The following RNF17 variants were observed in gnomAD, a reference collection of about 807,000 sequenced individuals.
RNF17 encodes the protein ring finger protein 17.
RNF17 carries 31 observed loss-of-function variants against 200.5 expected under a neutral mutation model. That is an observed-to-expected ratio of 0.15 (90% CI 0.12 to 0.21). RNF17 has a LOEUF of 0.21. RNF17 is among the 10% of genes least tolerant of loss of function. RNF17 has a pLI of 1.00. For synonymous variants in RNF17, 606 were observed against 637.8 expected (o/e 0.95, Z 0.75); for missense variants, 1,628 against 1,905.1 (o/e 0.85, Z 2.71).
At chr13:24,883,149 C>T, downstream of RNF17, 3 of 1,589,986 alleles carry the variant, frequency 1.9e-6, no homozygotes, top group Non-Finnish European at 2.6e-6. Context: ...AAGTCAGTTA[C>T]TGTTACTTCA....
At chr13:24,753,217 T>C in the RNF17 span, among the ~76,000 whole-genome samples, 1 of 152,190 alleles carries the variant, frequency 6.6e-6, no homozygotes, top group African/African-American at 2.4e-5. Flanking sequence ...AGATGACTAA[T>C]ATTTGTGATC....
At chr13:24,754,895 T>TA in the RNF17 span, among the ~76,000 whole-genome samples, 346 of 136,592 alleles carry the variant, frequency 2.5e-3, no homozygotes, top group South Asian at 5.2e-3. Flanking sequence ...GACCCTGTCT[T>TA]AAAAAAAAAA....
intron 15 of RNF17, among the ~76,000 whole-genome samples, chr13:24,805,804 T>C (rs565527502): frequency 7.9e-5 from 12 of 152,290 alleles, no homozygotes; most frequent in Non-Finnish European, 1.5e-4. Context: ...AGCTGCAGTT[T>C]TACATTCTTA....
chr13:24,876,941 A>T, intron 33 of RNF17, 56 bp from the exon 34 acceptor site: 1 of 1,399,626 alleles, frequency 7.1e-7, no homozygotes, highest in African/African-American at 1.5e-5. Flanking sequence ...TTCTTCTAAG[A>T]ATTGGATAGT....
the RNF17 span, chr13:24,885,757 C>G: frequency 1.1e-6 from 1 of 884,190 alleles, no homozygotes; most frequent in Non-Finnish European, 1.9e-6. Context: ...AGTTCATATC[C>G]TGTGAACTGC....
chr13:24,883,993 A>C (rs1203412247), downstream of RNF17: 2 of 1,614,042 alleles, frequency 1.2e-6, no homozygotes, highest in Admixed American at 1.7e-5. Context: ...ACCATCTGGG[A>C]AAATGCTTTC....
At chr13:24,870,816 G>T in intron 32 of RNF17, 77 bp downstream of exon 32, 3 of 1,186,256 alleles carry the variant, frequency 2.5e-6, no homozygotes, top group Non-Finnish European at 3.6e-6. Context: ...ATGACCTTGG[G>T]CTATCTCTAA....
At chr13:24,849,160 T>TA (rs1891572190) in intron 22 of RNF17, among the ~76,000 whole-genome samples, 1 of 152,140 alleles carries the variant, frequency 6.6e-6, no homozygotes, top group African/African-American at 2.4e-5. Flanking sequence ...CCCTGTCTCT[T>TA]AAAAAAATTG....
chr13:24,857,788 C>T (rs1204451834), intron 25 of RNF17, among the ~76,000 whole-genome samples: 1 of 152,146 alleles, frequency 6.6e-6, no homozygotes, highest in Non-Finnish European at 1.5e-5. Flanking sequence ...GTCTCAGCTA[C>T]TCAGGAAACT....
intron 5 of RNF17, among the ~76,000 whole-genome samples, chr13:24,781,322 C>A: frequency 6.6e-6 from 1 of 151,628 alleles, no homozygotes; most frequent in East Asian, 1.9e-4. Flanking sequence ...GGTCTTGTTG[C>A]CACATTATCA....
intron 25 of RNF17, 25 bp downstream of exon 25, chr13:24,854,169 C>A: frequency 2.0e-6 from 3 of 1,529,096 alleles, no homozygotes; most frequent in Non-Finnish European, 1.8e-6. Context: ...GTTATGTAGG[C>A]TCTAGTTCTC....
intron 15 of RNF17, among the ~76,000 whole-genome samples, chr13:24,813,293 A>G (rs1394346735): frequency 6.6e-6 from 1 of 151,970 alleles, no homozygotes; most frequent in East Asian, 1.9e-4. Flanking sequence ...CCATATTGCT[A>G]GTACTACAGG....
At chr13:24,871,904 T>C (rs1320778169) in intron 32 of RNF17, among the ~76,000 whole-genome samples, 1 of 150,788 alleles carries the variant, frequency 6.6e-6, no homozygotes, top group Non-Finnish European at 1.5e-5. Flanking sequence ...GTGCTGGGAT[T>C]ACAGGCGTGA....
intron 24 of RNF17, 110 bp from the exon 25 acceptor site, chr13:24,853,745 C>T (rs1892186371): frequency 1.3e-6 from 1 of 753,478 alleles, no homozygotes; most frequent in South Asian, 3.1e-5. Flanking sequence ...CAAATTAGAG[C>T]AAATATTTTC....
At chr13:24,794,366 T>C in intron 10 of RNF17, 1 of 338,990 alleles carries the variant, frequency 2.9e-6, no homozygotes, top group Non-Finnish European at 5.8e-6. Context: ...CATATTACTT[T>C]CTAATGTTAA....
chr13:24,841,384 C>A (rs1383781600), intron 18 of RNF17, among the ~76,000 whole-genome samples: 1 of 152,170 alleles, frequency 6.6e-6, no homozygotes, highest in Non-Finnish European at 1.5e-5. Flanking sequence ...CACCTTGGTC[C>A]TCCTGGAACT....
chr13:24,780,979 C>A (rs538463870), intron 5 of RNF17, among the ~76,000 whole-genome samples: 22 of 152,154 alleles, frequency 1.4e-4, no homozygotes, highest in Non-Finnish European at 3.1e-4. Context: ...GGGCAAAATT[C>A]ATTTCCACTA....
In RNF17 at chr13:24,793,342, G is replaced by A; in HGVS notation, c.1236G>A (p.Val412=). ...TTGAAGAAATTATTGAAGACAACGT[G>A]GAAAGTAAGTTAAAATGTAAAAGCA... ...VIIEEIIEDN[V]ESSAELVFVS... is the part of the protein sequence containing the mutation. Residue 412 remains valine, a synonymous_variant, in exon 10 of 36, where the codon GTG becomes GTA. Transcript: ENST00000255324. The A allele has an allele frequency of 6.3e-7, 1 of 1,579,600 alleles. No individual in the cohort carries two copies. Among genetic ancestry groups the A allele is most frequent in the East Asian group, 2.2e-5 (1 of 44,526 alleles).
chr13:24,765,079 G>A (rs1453584502), intron 1 of RNF17, among the ~76,000 whole-genome samples: 1 of 152,052 alleles, frequency 6.6e-6, no homozygotes, highest in African/African-American at 2.4e-5. Context: ...GCAGTGGCGC[G>A]ATCTCGGCTC....
Sources: gnomAD v4.1 joint callset for allele counts (sites outside exome capture counted in the v4.1 genomes callset) on GRCh38, gnomAD v4.1.1 for gene constraint, MANE v1.5 for transcripts, NCBI Gene and HGNC (gene_info 2026-07-23, HGNC 2026-07-21) for gene names.